SLC25A26: variants seen among roughly 807,000 people sequenced by gnomAD.
The protein encoded by SLC25A26 is solute carrier family 25 member 26, also known as mitochondrial S-adenosylmethionine carrier protein.
In SLC25A26, 36 loss-of-function variants were observed where a neutral mutation model predicts 37.8. The observed-to-expected ratio is 0.95, with a 90% CI of 0.73 to 1.26. The LOEUF is 1.26. Ranked by LOEUF, SLC25A26 falls within the 50% of genes most tolerant of loss-of-function variation. The pLI, the probability that SLC25A26 is intolerant of heterozygous loss-of-function variation, is 0.00. For synonymous variants in SLC25A26, 129 were observed against 122.5 expected, an observed-to-expected ratio of 1.05 and a Z score of -0.35; for missense variants, 390 against 331.1, an observed-to-expected ratio of 1.18 and a Z score of -1.38.
chr3:66,339,911 T>A (rs1218897015), intron 5 of SLC25A26, among the ~76,000 whole-genome samples: 1 of 152,072 alleles, frequency 6.6e-6, no homozygotes, highest in African/African-American at 2.4e-5. Context: ...GCTTTTTGTG[T>A]CATATCCAAG....
chr3:66,281,081 T>C (rs543413794), intron 5 of SLC25A26, among the ~76,000 whole-genome samples: 3 of 152,356 alleles, frequency 2.0e-5, no homozygotes, highest in South Asian at 2.1e-4. Context: ...ATTTCCTCCA[T>C]GACATAGACT....
chr3:66,263,463 T>TA (rs1576744160), intron 5 of SLC25A26, 84 bp downstream of exon 5: 2 of 834,536 alleles, frequency 2.4e-6, no homozygotes, highest in East Asian at 5.4e-5. Context: ...CAATTAGAAA[T>TA]ATATTTGGAG....
chr3:66,213,877 C>A (rs1176826193), intron 1 of SLC25A26, among the ~76,000 whole-genome samples: 1 of 152,070 alleles, frequency 6.6e-6, no homozygotes, highest in Non-Finnish European at 1.5e-5. Flanking sequence ...TTGCAGTGAG[C>A]TGAGGTCTTA....
chr3:66,366,430 A>G (rs7613289), intron 7 of SLC25A26, among the ~76,000 whole-genome samples: 7,494 of 152,318 alleles, frequency 0.049, 244 homozygotes, highest in South Asian at 0.082. Context: ...TCTGTGAATT[A>G]GAGAAATCTT....
chr3:66,284,194 T>A (rs907096209), intron 5 of SLC25A26, among the ~76,000 whole-genome samples: 23 of 152,026 alleles, frequency 1.5e-4, no homozygotes, highest in African/African-American at 3.9e-4. Context: ...AAAAAATTTT[T>A]AAAAAATTGC....
intron 1 of SLC25A26, among the ~76,000 whole-genome samples, chr3:66,151,952 C>G (rs1415757704): frequency 6.6e-6 from 1 of 152,056 alleles, no homozygotes. Context: ...CTAAATATAT[C>G]TTTGTAGAAT....
At chr3:66,259,032 G>A (rs1016364133) in intron 3 of SLC25A26, among the ~76,000 whole-genome samples, 4 of 152,198 alleles carry the variant, frequency 2.6e-5, no homozygotes, top group East Asian at 1.9e-4. Context: ...ACCCCTGGAC[G>A]GGAGTGTTTG....
At chr3:66,371,820 G>A (rs571306893) in intron 9 of SLC25A26, among the ~76,000 whole-genome samples, 4 of 152,256 alleles carry the variant, frequency 2.6e-5, no homozygotes, top group South Asian at 2.1e-4. Flanking sequence ...CTTAGGGGCC[G>A]GGTGCGGGGC....
At chr3:66,298,681 G>A (rs937051685) in intron 5 of SLC25A26, among the ~76,000 whole-genome samples, 1 of 152,146 alleles carries the variant, frequency 6.6e-6, no homozygotes, top group African/African-American at 2.4e-5. Flanking sequence ...AGTGCTAAAA[G>A]CTGCTAGAAA....
At chr3:66,236,235 G>GAC (rs2072276877) in intron 1 of SLC25A26, among the ~76,000 whole-genome samples, 1 of 21,494 alleles carries the variant, frequency 4.7e-5, no homozygotes, top group Non-Finnish European at 9.8e-5. Context: ...TTTTTTTTTG[G>GAC]CTTTTTGAAC....
intron 1 of SLC25A26, among the ~76,000 whole-genome samples, chr3:66,172,247 C>T (rs560676126): frequency 3.3e-5 from 5 of 151,518 alleles, no homozygotes; most frequent in Non-Finnish European, 7.4e-5. Context: ...CCTGTCTCTA[C>T]AAAAAATACA....
In SLC25A26 at chr3:66,346,316, T is replaced by C. The variant is rs774091870; in HGVS notation, c.454-48T>C. On this transcript the variant is annotated intron_variant, in intron 5 of 9. Transcript: ENST00000354883. ...GGCTCGTATAGTCATACAGGCAAAC[T>C]TGGCTCTTTTTTGCCTAATTTATTT... 11 of 1,010,816 alleles carry C rather than the reference T, an allele frequency of 1.1e-5. No homozygotes were observed. In the South Asian group the frequency reaches 1.6e-4, roughly 15 times the overall value. The allele number at this position is 1,010,816 out of a possible 1,614,324, so 62.6% of individuals were successfully genotyped here. A position where few individuals can be genotyped will look rare whatever the true frequency, so the allele number is the denominator to read the frequency against.
At chr3:66,267,851 T>A (rs200294441) in intron 5 of SLC25A26, among the ~76,000 whole-genome samples, 1 of 152,160 alleles carries the variant, frequency 6.6e-6, no homozygotes, top group South Asian at 2.1e-4. Flanking sequence ...TCCCTTAATA[T>A]CCATGTTAGG....
intron 3 of SLC25A26, among the ~76,000 whole-genome samples, chr3:66,254,130 G>T (rs2073208338): frequency 6.6e-6 from 1 of 152,140 alleles, no homozygotes; most frequent in African/African-American, 2.4e-5. Flanking sequence ...AGGTCCCAAT[G>T]CAAGTAGGTA....
In SLC25A26 at chr3:66,281,123, C is replaced by T. The variant is rs981078394; in HGVS notation, c.453+17744C>T. Among the ~76,000 whole-genome samples, 6 of 152,118 alleles carry T rather than the reference C, an allele frequency of 3.9e-5. No homozygotes were observed. The East Asian group carries it at 5.8e-4, about 15-fold the overall frequency. ...GAGTCCGAGATATTTATCCTGTAAA[C>T]GGTCCCATAATCTGGATTATCTGAG... On this transcript the variant is annotated intron_variant, in intron 5 of 9. Transcript: ENST00000354883.
chr3:66,322,777 A>G (rs1187353095), intron 5 of SLC25A26, among the ~76,000 whole-genome samples: 3 of 152,196 alleles, frequency 2.0e-5, no homozygotes, highest in Non-Finnish European at 4.4e-5. Flanking sequence ...CAGTTGCTAG[A>G]TGGACTTTTT....
At chr3:66,238,983 A>G (rs147368548) in intron 2 of SLC25A26, among the ~76,000 whole-genome samples, 3 of 152,178 alleles carry the variant, frequency 2.0e-5, no homozygotes, top group Admixed American at 1.3e-4. Context: ...TATGGTACCA[A>G]TCCTTTCACC....
intron 5 of SLC25A26, among the ~76,000 whole-genome samples, chr3:66,307,254 A>G (rs1423206817): frequency 6.6e-6 from 1 of 152,210 alleles, no homozygotes; most frequent in East Asian, 1.9e-4. Flanking sequence ...TCTAATGAGC[A>G]GTGATGATGA....
chr3:66,277,153 T>C (rs976558647), intron 5 of SLC25A26, among the ~76,000 whole-genome samples: 2 of 152,076 alleles, frequency 1.3e-5, no homozygotes, highest in African/African-American at 4.8e-5. Flanking sequence ...ATTACTAAAA[T>C]GAATCCCTGT....
Sources: allele counts gnomAD v4.1 joint callset (sites outside exome capture counted in the v4.1 genomes callset), GRCh38; gene constraint gnomAD v4.1.1; transcripts MANE v1.5; gene names NCBI Gene and HGNC (gene_info 2026-07-23, HGNC 2026-07-21).